Variants in ARHGAP6 observed in about 807,000 individuals in gnomAD.
The protein encoded by ARHGAP6 is Rho GTPase activating protein 6.
A neutral mutation model predicts 55.7 loss-of-function variants in ARHGAP6; 16 were observed. The ratio of observed to expected loss-of-function variants is 0.29; its 90% CI spans 0.19 to 0.44. ARHGAP6 has a LOEUF of 0.44. ARHGAP6 is among the 20% of genes least tolerant of loss of function. ARHGAP6 has a pLI of 1.00. For synonymous variants in ARHGAP6, 382 were observed against 360.9 expected (o/e 1.06, Z -0.66); for missense variants, 698 against 808.9 (o/e 0.86, Z 1.66).
chrX:11,399,624 G>C (rs2049523228), intron 1 of ARHGAP6, among the ~76,000 whole-genome samples: 1 of 111,751 alleles, frequency 8.9e-6, no homozygotes, highest in South Asian at 3.7e-4. Flanking sequence ...TACATCACTG[G>C]TGGGAATGTA....
intron 1 of ARHGAP6, among the ~76,000 whole-genome samples, chrX:11,485,211 A>G (rs758473912): frequency 8.9e-6 from 1 of 112,566 alleles, no homozygotes; most frequent in African/African-American, 3.2e-5. Flanking sequence ...GTTCTAATGC[A>G]TGACCACTGT....
chrX:11,182,628 C>CT (rs1209180175), intron 5 of ARHGAP6, among the ~76,000 whole-genome samples: 3 of 98,874 alleles, frequency 3.0e-5, no homozygotes, highest in Admixed American at 1.1e-4. Flanking sequence ...CTTTTTTTTC[C>CT]TTTTTTCTTT....
chrX:11,506,941 G>A (rs1023694341), intron 1 of ARHGAP6, among the ~76,000 whole-genome samples: 1 of 111,977 alleles, frequency 8.9e-6, no homozygotes, highest in Non-Finnish European at 1.9e-5. Context: ...TAACTGGCAT[G>A]AGGTGGTATC....
At chrX:11,384,761 G>A (rs1043570683) in intron 1 of ARHGAP6, among the ~76,000 whole-genome samples, 2 of 111,551 alleles carry the variant, frequency 1.8e-5, no homozygotes, top group African/African-American at 6.5e-5. Flanking sequence ...CTGGAGGTGG[G>A]GCTTGGGGCC....
At chrX:11,338,182 A>T (rs1487168895) in intron 1 of ARHGAP6, among the ~76,000 whole-genome samples, 4 of 111,562 alleles carry the variant, frequency 3.6e-5, no homozygotes, top group African/African-American at 1.3e-4. Context: ...ATGAGATTTG[A>T]TGGGGACAAA....
intron 1 of ARHGAP6, chrX:11,335,711 C>A: frequency 3.1e-6 from 1 of 326,137 alleles, no homozygotes. Flanking sequence ...CCGGTAGGCA[C>A]CAACTCCCAG....
At chrX:11,215,848 A>G (rs1252025909) in intron 2 of ARHGAP6, among the ~76,000 whole-genome samples, 1 of 112,334 alleles carries the variant, frequency 8.9e-6, no homozygotes, top group African/African-American at 3.2e-5. Flanking sequence ...CCCAGCCCCT[A>G]TGTTGCTTTG....
intron 1 of ARHGAP6, among the ~76,000 whole-genome samples, chrX:11,275,271 A>G (rs1423715708): frequency 9.1e-6 from 1 of 110,284 alleles, no homozygotes; most frequent in Non-Finnish European, 1.9e-5. Flanking sequence ...TATAATAGGT[A>G]TGTGATAATA....
chrX:11,664,175 G>A, intron 1 of ARHGAP6, 66 bp downstream of exon 1: 1 of 1,009,296 alleles, frequency 9.9e-7, no homozygotes, highest in Non-Finnish European at 1.3e-6. Context: ...GGAATTAAAG[G>A]CGGTCTCCTG....
intron 10 of ARHGAP6, among the ~76,000 whole-genome samples, chrX:11,151,343 C>T (rs988274638): frequency 8.3e-5 from 9 of 108,849 alleles, no homozygotes; most frequent in African/African-American, 3.0e-4. Context: ...TGGCTCACTG[C>T]AGCCACAAAA....
chrX:11,254,268 T>C (rs1408042219), intron 2 of ARHGAP6, among the ~76,000 whole-genome samples: 1 of 112,247 alleles, frequency 8.9e-6, no homozygotes, highest in African/African-American at 3.2e-5. Flanking sequence ...TTATTTTTAA[T>C]TGGTTGTTCA....
At chrX:11,360,500 C>T (rs373707284) in intron 1 of ARHGAP6, among the ~76,000 whole-genome samples, 5,341 of 108,556 alleles carry the variant, frequency 0.049, 188 homozygotes, top group African/African-American at 0.11. Context: ...ATTGATGGGA[C>T]GTATCTCAAA....
Position 11,660,523 on chromosome X carries a change from T to A in ARHGAP6, c.588+3718A>T, listed in dbSNP as rs779133929. On this transcript the variant is annotated intron_variant, in intron 1 of 12. Coordinates refer to ENST00000337414, the MANE Select transcript of ARHGAP6 (RefSeq NM_013427.3). ...GCCTGGGCAACAGGGTGAGACTCTC[T>A]CTCTCTCAAAAAAAAAAAAAAAAAA... is the stretch of plus-strand genomic sequence containing the variant. 2.8e-4 allele frequency among the ~76,000 whole-genome samples: 16 copies of A among 56,821 alleles called. No individual in the cohort carries two copies. In the East Asian group the frequency reaches 8.7e-3, roughly 31 times the overall value. 49.3% of individuals were successfully genotyped at this position (56,821 alleles called of 115,157 possible). A position where few individuals can be genotyped will look rare whatever the true frequency, so the allele number is the denominator to read the frequency against.
chrX:11,520,322 C>T (rs2050906626), intron 1 of ARHGAP6, among the ~76,000 whole-genome samples: 1 of 103,332 alleles, frequency 9.7e-6, no homozygotes, highest in African/African-American at 3.5e-5. Context: ...TTCCCCCACC[C>T]CACAACAGGC....
chrX:11,219,009 G>A (rs2046922671), intron 2 of ARHGAP6, among the ~76,000 whole-genome samples: 1 of 104,998 alleles, frequency 9.5e-6, no homozygotes, highest in African/African-American at 3.5e-5. Context: ...CTAGCATTAG[G>A]TATATCTCCC....
intron 1 of ARHGAP6, among the ~76,000 whole-genome samples, chrX:11,567,753 C>T (rs986512125): frequency 4.6e-5 from 5 of 109,170 alleles, no homozygotes; most frequent in African/African-American, 1.7e-4. Flanking sequence ...ACTGCAGCCT[C>T]GAATTCCTGG....
chrX:11,558,557 G>T (rs1234229035), intron 1 of ARHGAP6, among the ~76,000 whole-genome samples: 1 of 110,364 alleles, frequency 9.1e-6, no homozygotes, highest in Non-Finnish European at 1.9e-5. Context: ...GAGAAATTTT[G>T]CCAGGTGTGG....
Position 11,139,294 on chromosome X carries a change from G to C in ARHGAP6, c.2494C>G (p.Arg832Gly), listed in dbSNP as rs777711140. The C allele has an allele frequency of 8.4e-7, 1 of 1,186,800 alleles. No individual in the cohort carries two copies. The highest frequency in any genetic ancestry group is 1.1e-6 in the Non-Finnish European group (1 of 883,889). ...PHVQVAGKAERPTARSEQYLT... is the reference protein window; with the variant it reads ...PHVQVAGKAEGPTARSEQYLT... The stretch of plus-strand genomic sequence containing the variant: ...TACTGCTCCGACCTGGCCGTGGGCC[G>C]CTCGGCTTTCCCTGCCACCTGGACG... Residue 832 changes from arginine to glycine, a missense_variant, in exon 13 of 13, where the codon CGG (arginine) becomes GGG (glycine). Physicochemically the swap from Arg to Gly is moderately radical, Grantham distance 125. Around this residue, in one of 3 missense-constraint regions of ARHGAP6, gnomAD observed 212 missense variants for 208.7 expected, o/e 1.02. Transcript: ENST00000337414.
chrX:11,262,204 AAAG>A (rs2047570757), intron 1 of ARHGAP6, among the ~76,000 whole-genome samples: 1 of 111,799 alleles, frequency 8.9e-6, no homozygotes, highest in South Asian at 3.7e-4. Flanking sequence ...AACCTAATTA[AAAG>A]AAGCAAACCA....
Sources: gnomAD v4.1 joint callset for allele counts (sites outside exome capture counted in the v4.1 genomes callset) on GRCh38, gnomAD v4.1.1 for gene constraint, gnomAD v4.1.1 regional missense constraint, MANE v1.5 for transcripts, NCBI Gene and HGNC (gene_info 2026-07-23, HGNC 2026-07-21) for gene names.